The following PTHLH variants were observed in gnomAD, a reference collection of about 807,000 sequenced individuals.
PTHLH encodes parathyroid hormone-related protein.
In PTHLH, 5 loss-of-function variants were observed where a neutral mutation model predicts 18.6. That is an observed-to-expected ratio of 0.27 (90% CI 0.14 to 0.56). PTHLH has a LOEUF of 0.56. Ranked by LOEUF, PTHLH falls within the 20% of genes least tolerant of loss-of-function variation. The pLI, the probability that PTHLH is intolerant of heterozygous loss-of-function variation, is 0.92. For synonymous variants in PTHLH, 90 were observed against 94.0 expected (o/e 0.96, Z 0.25); for missense variants, 207 against 223.9 (o/e 0.92, Z 0.48).
chr12:27,969,568 C>T (rs1591852684), intron 3 of PTHLH, 52 bp from the exon 4 acceptor site: 1 of 1,344,510 alleles, frequency 7.4e-7, no homozygotes, highest in East Asian at 2.5e-5. Flanking sequence ...CTCCATCTCC[C>T]CGCACTACTC....
chr12:27,962,741 C>A (rs867315488), intron 5 of PTHLH: 3 of 980,546 alleles, frequency 3.1e-6, no homozygotes, highest in Non-Finnish European at 3.6e-6. Context: ...CTGGTAGAAA[C>A]CAGAGTTAAA....
rs1222779605 is a variant in PTHLH at position 27,969,207 on chromosome 12, T to A, written c.101+187A>T. 10 of 603,844 alleles carry A rather than the reference T, an allele frequency of 1.7e-5. No individual in the cohort carries two copies. In the East Asian group the frequency reaches 2.8e-4, roughly 17 times the overall value. 37.4% of individuals were successfully genotyped at this position (603,844 alleles called of 1,614,324 possible). A position where few individuals can be genotyped will look rare whatever the true frequency, so the allele number is the denominator to read the frequency against. On this transcript the variant is annotated intron_variant, in intron 4 of 5. Transcript: ENST00000545234. ...TCTCTTGCCTGTCTCCCGTTGAAGA[T>A]CAACCAGTTCTCCTGCCAGGTTTGA...
intron 5 of PTHLH, chr12:27,961,856 C>T (rs901822213): frequency 2.5e-5 from 16 of 648,966 alleles, no homozygotes; most frequent in Non-Finnish European, 4.4e-5. Context: ...AAGCATCATC[C>T]TATAATCCTA....
At chr12:27,964,471 CAGAGAGAG>C (rs10551155) in intron 4 of PTHLH, among the ~76,000 whole-genome samples, 3 of 148,846 alleles carry the variant, frequency 2.0e-5, no homozygotes, top group South Asian at 2.2e-4. Flanking sequence ...GGCCAATCGT[CAGAGAGAG>C]AGAGAGAGAG....
intron 4 of PTHLH, among the ~76,000 whole-genome samples, chr12:27,964,280 TCA>T (rs1555124781): frequency 2.8e-5 from 4 of 140,544 alleles, no homozygotes; most frequent in Non-Finnish European, 4.6e-5. Context: ...TCTCTCTCTC[TCA>T]CACACACACA....
At chr12:27,963,269 C>T (rs540567464) in intron 5 of PTHLH, 79 bp downstream of exon 5, 2 of 1,608,940 alleles carry the variant, frequency 1.2e-6, no homozygotes, top group Non-Finnish European at 1.7e-6. Flanking sequence ...CTAGGTTTGT[C>T]CAAGCCAAGG....
At chr12:27,970,702 C>T (rs1355394541) in intron 2 of PTHLH, among the ~76,000 whole-genome samples, 4 of 152,078 alleles carry the variant, frequency 2.6e-5, no homozygotes, top group African/African-American at 4.8e-5. Flanking sequence ...GGCGCCAAGA[C>T]CACCAGGGGC....
At chr12:27,969,058 T>C (rs937835473) in intron 4 of PTHLH, 27 of 316,736 alleles carry the variant, frequency 8.5e-5, no homozygotes, top group African/African-American at 5.5e-4. Flanking sequence ...TTTCAGAAGC[T>C]TCCCGGGTCC....
intron 5 of PTHLH, 50 bp from the exon 6 acceptor site, chr12:27,958,618 T>C: frequency 6.6e-7 from 1 of 1,514,628 alleles, no homozygotes; most frequent in African/African-American, 1.4e-5. Context: ...TTAGTTTTCT[T>C]TACAAATGAA....
rs144539601 is a variant in PTHLH, at chr12:27,966,244, A to G, written c.102-2474T>C. On this transcript the variant is annotated intron_variant, in intron 4 of 5. Transcript: ENST00000545234. ...CATCCTTCTAATTTATAAAAAGCCT[A>G]CAATATGGCACAGCTTTGTTCAATT... Among the ~76,000 whole-genome samples, 54 of 152,334 alleles carry G rather than the reference A, an allele frequency of 3.5e-4. No individual in the cohort carries two copies. The East Asian group carries it at 0.01, about 29-fold the overall frequency.
In PTHLH at chr12:27,970,168, A is replaced by AGC; in HGVS notation, c.-168_-167dup. On this transcript the variant is annotated 5_prime_UTR_variant, in exon 3 of 6. Coordinates refer to ENST00000545234, the MANE Select transcript of PTHLH (RefSeq NM_198965.2). ...GCAGCCGGAGCGGCAGGGAGGCGGC[A>AGC]GCCCCGCTTCACGGGCGGGGAGACA... The AGC allele has an allele frequency of 1.9e-6, 1 of 516,734 alleles. No homozygotes were observed. The highest frequency in any genetic ancestry group is 3.9e-6 in the Non-Finnish European group (1 of 259,160). 32.0% of individuals were successfully genotyped at this position (516,734 alleles called of 1,614,324 possible).
At position 27,970,181 on chromosome 12, in the gene PTHLH, G is replaced by C. The variant is rs1423057285; in HGVS notation, c.-179C>G. The C allele has an allele frequency of 1.4e-5, 7 of 514,008 alleles. No individual in the cohort carries two copies. Among genetic ancestry groups the C allele is most frequent in the African/African-American group, 5.8e-5 (3 of 51,832 alleles). 31.8% of individuals were successfully genotyped at this position (514,008 alleles called of 1,614,324 possible). A position where few individuals can be genotyped will look rare whatever the true frequency, so the allele number is the denominator to read the frequency against. ...CAGGGAGGCGGCAGCCCCGCTTCAC[G>C]GGCGGGGAGACATGCTGGCCGGGCG... On this transcript the variant is annotated 5_prime_UTR_variant, in exon 3 of 6. Transcript: ENST00000545234.
chr12:27,970,898 G>C (rs971296157), intron 2 of PTHLH, among the ~76,000 whole-genome samples: 2 of 152,212 alleles, frequency 1.3e-5, no homozygotes, highest in African/African-American at 4.8e-5. Flanking sequence ...GGGGAGCATC[G>C]GCTAGAGAGA....
intron 5 of PTHLH, among the ~76,000 whole-genome samples, chr12:27,959,305 G>C (rs1334395944): frequency 6.6e-6 from 1 of 152,116 alleles, no homozygotes. Context: ...TTAGCATTGG[G>C]AAAGTCTACT....
chr12:27,966,842 C>T (rs1165611329), intron 4 of PTHLH, among the ~76,000 whole-genome samples: 2 of 151,922 alleles, frequency 1.3e-5, no homozygotes, highest in Admixed American at 1.3e-4. Context: ...GCTTAGATTT[C>T]TAAGGAACTA....
chr12:27,961,719 C>G (rs907243464), intron 5 of PTHLH: 2 of 468,702 alleles, frequency 4.3e-6, no homozygotes, highest in Non-Finnish European at 7.5e-6. Context: ...TTTTCTAGTG[C>G]CACTGCCCAT....
rs772932770 is a variant in PTHLH at position 27,969,558 on chromosome 12, C to G, written c.-22-42G>C. 38 of 1,447,896 alleles carry G rather than the reference C, an allele frequency of 2.6e-5. No individual in the cohort carries two copies. In the African/African-American group the frequency reaches 4.2e-4, roughly 16 times the overall value. The allele number at this position is 1,447,896 out of a possible 1,614,324, so 89.7% of individuals were successfully genotyped here. A position where few individuals can be genotyped will look rare whatever the true frequency, so the allele number is the denominator to read the frequency against. On this transcript the variant is annotated intron_variant, in intron 3 of 5. Coordinates refer to ENST00000545234, the MANE Select transcript of PTHLH (RefSeq NM_198965.2). ...TGGGACCCGAGTGTCAGTCTGGACT[C>G]TCCATCTCCCCGCACTACTCCGCTC... is the stretch of plus-strand genomic sequence containing the variant.
chr12:27,966,880 G>T (rs1003458067), intron 4 of PTHLH, among the ~76,000 whole-genome samples: 1 of 152,188 alleles, frequency 6.6e-6, no homozygotes, highest in African/African-American at 2.4e-5. Flanking sequence ...TAAAAACAGT[G>T]ATGGAAATTC....
intron 4 of PTHLH, among the ~76,000 whole-genome samples, chr12:27,965,056 G>C (rs1404764974): frequency 1.3e-5 from 2 of 152,134 alleles, no homozygotes; most frequent in East Asian, 3.9e-4. Context: ...TGCCTTTGTT[G>C]GTGCAATGTC....
Sources: allele counts gnomAD v4.1 joint callset (sites outside exome capture counted in the v4.1 genomes callset), GRCh38; gene constraint gnomAD v4.1.1; transcripts MANE v1.5; gene names NCBI Gene and HGNC (gene_info 2026-07-23, HGNC 2026-07-21).